CATSPERG: variants seen among roughly 807,000 people sequenced by gnomAD.
CATSPERG encodes the protein catsper channel auxiliary subunit gamma, also known as cation channel sperm-associated auxiliary subunit gamma.
In CATSPERG, 115 loss-of-function variants were observed where a neutral mutation model predicts 145.0. The ratio of observed to expected loss-of-function variants is 0.79; its 90% CI spans 0.68 to 0.93. The LOEUF (loss-of-function observed/expected upper bound fraction) is 0.93, where lower values mean the gene tolerates loss of function less well. CATSPERG is among the 40% of genes least tolerant of loss of function. CATSPERG has a pLI of 0.00. For synonymous variants in CATSPERG, 588 were observed against 589.0 expected, an observed-to-expected ratio of 1.00 and a Z score of 0.02; for missense variants, 1,296 against 1,490.1, an observed-to-expected ratio of 0.87 and a Z score of 2.14.
chr19:38,353,027 C>CA (rs61080753), intron 8 of CATSPERG, among the ~76,000 whole-genome samples: 1,177 of 60,922 alleles, frequency 0.019, 7 homozygotes, highest in East Asian at 0.028. Flanking sequence ...GACCCTGTTT[C>CA]AAAAAAAAAA....
chr19:38,351,011 G>C (rs538351610), intron 7 of CATSPERG, among the ~76,000 whole-genome samples: 14 of 152,032 alleles, frequency 9.2e-5, no homozygotes, highest in African/African-American at 3.4e-4. Context: ...AACAAAAAAT[G>C]GTCCTGTTTT....
chr19:38,360,306 G>T, intron 14 of CATSPERG, 183 bp from the exon 15 acceptor site: 1 of 985,322 alleles, frequency 1.0e-6, no homozygotes, highest in South Asian at 4.7e-5. Flanking sequence ...AGGTGATTGG[G>T]CTCAGGGAAG....
chr19:38,370,489 A>G (rs1261060694), intron 28 of CATSPERG, 37 bp from the exon 29 acceptor site: 2 of 1,613,230 alleles, frequency 1.2e-6, no homozygotes, highest in African/African-American at 1.3e-5. Flanking sequence ...GTACCTTATC[A>G]TGTGCCAACT....
chr19:38,358,108 C>T, intron 11 of CATSPERG, 170 bp from the exon 12 acceptor site: 1 of 639,670 alleles, frequency 1.6e-6, no homozygotes, highest in East Asian at 2.8e-5. Flanking sequence ...ACAGGGAGAT[C>T]CTGTCTCAGG....
chr19:38,359,435 A>G (rs1600473442), intron 13 of CATSPERG, 35 bp from the exon 14 acceptor site: 6 of 1,430,986 alleles, frequency 4.2e-6, no homozygotes, highest in East Asian at 2.3e-5. Flanking sequence ...GCGGCTGTCC[A>G]GCATGCGCCT....
intron 8 of CATSPERG, among the ~76,000 whole-genome samples, chr19:38,353,309 G>A (rs1970180317): frequency 6.6e-6 from 1 of 151,990 alleles, no homozygotes; most frequent in Non-Finnish European, 1.5e-5. Flanking sequence ...ACTCCAGCCT[G>A]GCCAACAGAG....
At position 38,364,878 on chromosome 19, in the gene CATSPERG, C is replaced by T. The variant is rs1313243618; in HGVS notation, c.2476-13C>T. ...ACCCCTTCATTTCTGCCTCTCCCCT[C>T]CTTCAACCCCAGATTACGCTCAAGG... On this transcript the variant is annotated splice_polypyrimidine_tract_variant and intron_variant, in intron 20 of 28. Coordinates refer to ENST00000409235, the MANE Select transcript of CATSPERG (RefSeq NM_021185.5). The T allele has an allele frequency of 1.2e-6, 2 of 1,609,466 alleles. No homozygotes were observed. Among genetic ancestry groups the T allele is most frequent in the Non-Finnish European group, 1.7e-6 (2 of 1,175,672 alleles).
chr19:38,352,586 T>G, intron 8 of CATSPERG, 154 bp downstream of exon 8: 1 of 618,118 alleles, frequency 1.6e-6, no homozygotes, highest in Non-Finnish European at 2.8e-6. Context: ...GAATGGGCCT[T>G]GCCTTGCCCT....
At position 38,370,633 on chromosome 19, in the gene CATSPERG, C is replaced by T. The variant is rs187036692; in HGVS notation, c.3321C>T (p.Asn1107=). 50 of 1,614,168 alleles carry T rather than the reference C, an allele frequency of 3.1e-5. No homozygotes were observed. The East Asian group carries it at 1.1e-3, about 36-fold the overall frequency. ...GCTMIRWKIN[N]LIASESYYTY... Reference sequence around the variant, plus strand: ...CGATGATCCGGTGGAAGATAAACAACCTCATTGCCTCAGAATCCTACTACA... The same window carrying T: ...CGATGATCCGGTGGAAGATAAACAATCTCATTGCCTCAGAATCCTACTACA... The change falls in exon 29 of 29, where the codon AAC becomes AAT. Residue 1107 remains asparagine, a synonymous_variant. Transcript: ENST00000409235.
chr19:38,339,069 C>G (rs768372130), intron 3 of CATSPERG, among the ~76,000 whole-genome samples: 58 of 152,034 alleles, frequency 3.8e-4, no homozygotes, highest in African/African-American at 8.0e-4. Context: ...GCTAAAGCCC[C>G]GAGCTCTGGG....
rs1267703344 is a variant in CATSPERG at position 38,368,222 on chromosome 19, C to A, written c.3020+85C>A. On this transcript the variant is annotated intron_variant, in intron 26 of 28. Transcript: ENST00000409235. ...TATCCTTTCTGCCCCTAGGAGGCCT[C>A]TTGATCCCCAAGTCACACTGACTGC... The A allele has an allele frequency of 2.6e-6, 3 of 1,155,882 alleles. No homozygotes were observed. In the African/African-American group the frequency reaches 4.6e-5, roughly 18 times the overall value. 71.6% of individuals were successfully genotyped at this position (1,155,882 alleles called of 1,614,324 possible).
intron 22 of CATSPERG, chr19:38,365,470 C>T (rs1970432162): frequency 8.4e-6 from 2 of 236,940 alleles, no homozygotes; most frequent in African/African-American, 2.3e-5. Flanking sequence ...CAGAGTTTTT[C>T]CATGTTGGCC....
chr19:38,340,018 C>T (rs893858566), intron 3 of CATSPERG, among the ~76,000 whole-genome samples: 1 of 152,120 alleles, frequency 6.6e-6, no homozygotes, highest in Admixed American at 6.6e-5. Context: ...CCATGCCTGG[C>T]TAATTTTTAT....
At chr19:38,361,945 G>C (rs1357980705) in intron 17 of CATSPERG, 84 bp downstream of exon 17, 2 of 1,100,450 alleles carry the variant, frequency 1.8e-6, no homozygotes, top group Non-Finnish European at 2.6e-6. Context: ...CCTGTGGAGC[G>C]GAGCGCAGCG....
At chr19:38,338,150 T>A (rs1162561527) in intron 3 of CATSPERG, among the ~76,000 whole-genome samples, 1 of 151,300 alleles carries the variant, frequency 6.6e-6, no homozygotes, top group Non-Finnish European at 1.5e-5. Context: ...TCCATGTTTT[T>A]TTTGTTTTGT....
At chr19:38,370,286 C>T in intron 28 of CATSPERG, 28 bp downstream of exon 28, 1 of 1,603,506 alleles carries the variant, frequency 6.2e-7, no homozygotes, top group Non-Finnish European at 8.5e-7. Flanking sequence ...AGCTGCCCTA[C>T]TGGGTGGGCA....
At chr19:38,366,887 T>G in intron 22 of CATSPERG, 1 of 414,886 alleles carries the variant, frequency 2.4e-6, no homozygotes, top group Non-Finnish European at 4.3e-6. Flanking sequence ...AGAGACAGGG[T>G]TTTACTGTGC....
chr19:38,351,643 G>A (rs915694782), intron 7 of CATSPERG, among the ~76,000 whole-genome samples: 1 of 150,042 alleles, frequency 6.7e-6, no homozygotes, highest in African/African-American at 2.5e-5. Context: ...ATGGTGGCAA[G>A]CACCTGTAGT....
At chr19:38,340,394 C>A (rs935866607) in intron 3 of CATSPERG, among the ~76,000 whole-genome samples, 2 of 151,430 alleles carry the variant, frequency 1.3e-5, no homozygotes, top group African/African-American at 4.9e-5. Context: ...GATCTCGGCT[C>A]AGTACAGCCT....
Sources: gnomAD v4.1 joint callset for allele counts (sites outside exome capture counted in the v4.1 genomes callset) on GRCh38, gnomAD v4.1.1 for gene constraint, MANE v1.5 for transcripts, NCBI Gene and HGNC (gene_info 2026-07-23, HGNC 2026-07-21) for gene names.